The following FTO variants were observed in gnomAD, a reference collection of about 807,000 sequenced individuals.
The protein encoded by FTO is FTO alpha-ketoglutarate dependent dioxygenase, also known as alpha-ketoglutarate-dependent dioxygenase FTO.
A neutral mutation model predicts 63.9 loss-of-function variants in FTO; 47 were observed. The ratio of observed to expected loss-of-function variants is 0.74; its 90% CI spans 0.58 to 0.94. The LOEUF (loss-of-function observed/expected upper bound fraction) is 0.94. Among genes scored for constraint, FTO ranks in the 40% least tolerant of loss-of-function variants. FTO has a pLI of 0.00. For missense variants in FTO, 562 were observed against 618.1 expected (o/e 0.91, Z 0.96); for synonymous variants, 207 against 224.4 (o/e 0.92, Z 0.69).
intron 3 of FTO, among the ~76,000 whole-genome samples, chr16:53,831,631 C>T (rs2079148865): frequency 6.6e-6 from 1 of 152,006 alleles, no homozygotes; most frequent in African/African-American, 2.4e-5. Context: ...CACATTCTAG[C>T]AAGGGAAAAC....
chr16:54,037,287 G>A (rs1336441989), intron 8 of FTO, among the ~76,000 whole-genome samples: 1 of 152,186 alleles, frequency 6.6e-6, no homozygotes, highest in Non-Finnish European at 1.5e-5. Context: ...CAAAAATGGA[G>A]AATGTGGCAC....
At chr16:54,111,226 G>A (rs2086877833) in intron 8 of FTO, among the ~76,000 whole-genome samples, 1 of 152,064 alleles carries the variant, frequency 6.6e-6, no homozygotes, top group Non-Finnish European at 1.5e-5. Flanking sequence ...TTATAAATCG[G>A]TCTCTCCTTG....
intron 8 of FTO, among the ~76,000 whole-genome samples, chr16:54,024,851 A>G (rs935842261): frequency 2.6e-5 from 4 of 152,190 alleles, no homozygotes; most frequent in Non-Finnish European, 5.9e-5. Flanking sequence ...ATTACCTTCT[A>G]TTTAAGCTGC....
chr16:53,849,754 G>A (rs1055392276), intron 4 of FTO, among the ~76,000 whole-genome samples: 3 of 152,136 alleles, frequency 2.0e-5, no homozygotes, highest in African/African-American at 7.2e-5. Flanking sequence ...ACTCAACATG[G>A]CCACTCCCAC....
intron 8 of FTO, among the ~76,000 whole-genome samples, chr16:53,967,089 C>A (rs528666567): frequency 1.1e-3 from 164 of 152,300 alleles, no homozygotes; most frequent in Non-Finnish European, 1.8e-3. Flanking sequence ...TAAAATTCCG[C>A]TGCGCAGTGG....
intron 2 of FTO, among the ~76,000 whole-genome samples, chr16:53,819,811 A>G (rs2078804060): frequency 6.6e-6 from 1 of 152,156 alleles, no homozygotes; most frequent in Non-Finnish European, 1.5e-5. Flanking sequence ...CCATCATCAC[A>G]GTAGTTTTAG....
At chr16:53,892,911 C>T (rs1404079062) in intron 7 of FTO, among the ~76,000 whole-genome samples, 2 of 152,270 alleles carry the variant, frequency 1.3e-5, no homozygotes, top group African/African-American at 4.8e-5. Flanking sequence ...AATTGCTTCA[C>T]ATGTCATAAC....
chr16:53,778,916 C>T lies in FTO; in HGVS notation c.46-31224C>T, dbSNP rs73612012. On this transcript the variant is annotated intron_variant, in intron 1 of 8. Coordinates refer to ENST00000471389, the MANE Select transcript of FTO (RefSeq NM_001080432.3). The stretch of plus-strand genomic sequence containing the variant: ...TAGAAAAATAATGAATGACAAGTGC[C>T]GCAGAGATCAGTTGTTTGTGAGATG... Among the ~76,000 whole-genome samples the T allele has an allele frequency of 9.3e-3, 1,395 of 150,658 alleles. 28 individuals are homozygous for T. The highest frequency in any genetic ancestry group is 0.032 in the African/African-American group (1,307 of 40,914).
At chr16:53,894,431 A>G (rs1267327661) in intron 7 of FTO, among the ~76,000 whole-genome samples, 1 of 152,238 alleles carries the variant, frequency 6.6e-6, no homozygotes, top group Non-Finnish European at 1.5e-5. Context: ...TTAAAACTGA[A>G]TACAGGAACA....
At chr16:54,052,020 G>A (rs2085324348) in intron 8 of FTO, among the ~76,000 whole-genome samples, 1 of 152,160 alleles carries the variant, frequency 6.6e-6, no homozygotes, top group African/African-American at 2.4e-5. Flanking sequence ...CTAGACTTGT[G>A]GGCAACAGGA....
intron 8 of FTO, among the ~76,000 whole-genome samples, chr16:54,018,545 T>C (rs1197390789): frequency 1.3e-5 from 2 of 152,180 alleles, no homozygotes; most frequent in African/African-American, 2.4e-5. Flanking sequence ...CCAAATCTCA[T>C]CTTGAATTAT....
chr16:53,976,620 T>A (rs146167423), intron 8 of FTO, among the ~76,000 whole-genome samples: 2 of 152,310 alleles, frequency 1.3e-5, no homozygotes, highest in East Asian at 3.9e-4. Context: ...TTTTAAATCC[T>A]GTTGGCATTT....
chr16:54,019,930 A>G (rs2084549231), intron 8 of FTO, among the ~76,000 whole-genome samples: 1 of 152,220 alleles, frequency 6.6e-6, no homozygotes, highest in South Asian at 2.1e-4. Flanking sequence ...AAGAATGCAG[A>G]TTAGTCAAAT....
Position 54,114,007 on chromosome 16 carries a change from C to G in FTO, c.*2092C>G, listed in dbSNP as rs1415470956. On this transcript the variant is annotated 3_prime_UTR_variant, in exon 9 of 9. Coordinates refer to ENST00000471389, the MANE Select transcript of FTO (RefSeq NM_001080432.3). ...ATTTTTAGCAGAGATGGGGTTTCAC[C>G]ACATTGGCCAGGATGGTCTCGATCT... 1 of 152,042 alleles carries G rather than the reference C, an allele frequency of 6.6e-6. No individual in the cohort carries two copies. The allele number at this position is 152,042 out of a possible 1,614,324, so 9.4% of individuals were successfully genotyped here.
chr16:53,792,160 A>C (rs922070701), intron 1 of FTO, among the ~76,000 whole-genome samples: 1 of 152,212 alleles, frequency 6.6e-6, no homozygotes, highest in Non-Finnish European at 1.5e-5. Flanking sequence ...AAATGGAAAC[A>C]AAGAGAAATA....
At chr16:53,814,595 C>T (rs2078621783) in intron 2 of FTO, 1 of 152,292 alleles carries the variant, frequency 6.6e-6, no homozygotes, top group Non-Finnish European at 1.5e-5. Flanking sequence ...GGTCTCCACT[C>T]TTAAGTCCTA....
intron 1 of FTO, among the ~76,000 whole-genome samples, chr16:53,762,584 G>T (rs1024204316): frequency 6.6e-6 from 1 of 152,124 alleles, no homozygotes; most frequent in South Asian, 2.1e-4. Flanking sequence ...ATGCGAGGGT[G>T]GGGAGGAGAG....
intron 7 of FTO, among the ~76,000 whole-genome samples, chr16:53,912,017 C>T (rs1214720771): frequency 1.3e-5 from 2 of 152,200 alleles, no homozygotes; most frequent in African/African-American, 4.8e-5. Flanking sequence ...CAGGATAGCT[C>T]TTTTAAAATC....
chr16:53,973,295 T>C (rs1223326531), intron 8 of FTO, among the ~76,000 whole-genome samples: 1 of 152,218 alleles, frequency 6.6e-6, no homozygotes, highest in Admixed American at 6.5e-5. Flanking sequence ...AGCCGTCCCA[T>C]GTCCCACCTC....
Sources: gnomAD v4.1 joint callset for allele counts (sites outside exome capture counted in the v4.1 genomes callset) on GRCh38, gnomAD v4.1.1 for gene constraint, MANE v1.5 for transcripts, NCBI Gene and HGNC (gene_info 2026-07-23, HGNC 2026-07-21) for gene names.